Variants in NBPF26 observed in about 807,000 individuals in gnomAD.
NBPF26 encodes the protein NBPF member 26.
Under a neutral mutation model 119.6 loss-of-function variants are expected in NBPF26, and 79 were observed. The observed-to-expected ratio is 0.66, with a 90% CI of 0.55 to 0.80. The LOEUF is 0.80. NBPF26 is among the 30% of genes least tolerant of loss of function. NBPF26 has a pLI of 0.00. For synonymous variants in NBPF26, 299 were observed against 457.7 expected (o/e 0.65, Z 4.43); for missense variants, 800 against 1,198.2 (o/e 0.67, Z 4.91).
chr1:120,793,750 C>G, intron 4 of NBPF26: 1 of 819,098 alleles, frequency 1.2e-6, no homozygotes, highest in Non-Finnish European at 1.9e-6. Flanking sequence ...TTTGTAGAAA[C>G]AGTGAGAAAT....
downstream of NBPF26, chr1:120,840,747 A>T: frequency 8.8e-6 from 10 of 1,135,624 alleles, 1 homozygote; most frequent in South Asian, 1.5e-5. Context: ...TGCCAGTGGC[A>T]ACCTGTGCTC....
intron 2 of NBPF26, among the ~76,000 whole-genome samples, chr1:120,783,804 G>T (rs1651392747): frequency 1.8e-5 from 2 of 113,414 alleles, no homozygotes; most frequent in Non-Finnish European, 1.7e-5. Flanking sequence ...GACTTCACTG[G>T]GTTTTGAGTT....
intron 1 of NBPF26, among the ~76,000 whole-genome samples, chr1:120,756,675 T>A (rs1379522357): frequency 8.5e-6 from 1 of 117,684 alleles, no homozygotes; most frequent in Non-Finnish European, 1.6e-5. Flanking sequence ...ATGTTAGAGA[T>A]TCCTAAAACA....
In NBPF26 at chr1:120,794,291, T is replaced by C. The variant is rs1348441086; in HGVS notation, c.751+795T>C. 3.2e-3 allele frequency among the ~76,000 whole-genome samples: 353 copies of C among 109,788 alleles called. 59 individuals are homozygous for C. In the East Asian group the frequency reaches 0.064, roughly 20 times the overall value. 72.0% of individuals were successfully genotyped at this position (109,788 alleles called of 152,430 possible). Reference sequence around the variant, plus strand: ...CATGGAGAGGGAGAAAGGAACAAGCTTGGCCAATTCATTCAACTCCTTATA... The same window carrying C: ...CATGGAGAGGGAGAAAGGAACAAGCCTGGCCAATTCATTCAACTCCTTATA... On this transcript the variant is annotated intron_variant, in intron 4 of 29. Transcript: ENST00000620612.
At chr1:120,733,446 G>C in intron 1 of NBPF26, among the ~76,000 whole-genome samples, 1 of 106,772 alleles carries the variant, frequency 9.4e-6, no homozygotes, top group East Asian at 2.3e-4. Context: ...GTCACAATAT[G>C]TATGGAAATA....
chr1:120,807,142 A>G (rs1280689865), intron 5 of NBPF26, among the ~76,000 whole-genome samples: 16 of 129,756 alleles, frequency 1.2e-4, no homozygotes, highest in African/African-American at 5.3e-4. Context: ...TGATTTAAAA[A>G]TGAAATATTT....
intron 1 of NBPF26, among the ~76,000 whole-genome samples, chr1:120,756,045 C>T (rs1651076986): frequency 8.9e-6 from 1 of 112,238 alleles, no homozygotes; most frequent in Non-Finnish European, 1.7e-5. Context: ...TTGAAGCTTC[C>T]GCACTTCTTC....
intron 4 of NBPF26, among the ~76,000 whole-genome samples, chr1:120,802,610 C>G (rs1230643625): frequency 8.4e-6 from 1 of 119,638 alleles, no homozygotes; most frequent in East Asian, 2.0e-4. Context: ...TCTTTTTGCA[C>G]AGCAACATGG....
intron 2 of NBPF26, 119 bp from the exon 3 acceptor site, chr1:120,784,855 T>A: frequency 9.5e-7 from 1 of 1,052,338 alleles, no homozygotes; most frequent in Non-Finnish European, 1.3e-6. Flanking sequence ...TAGGTGGTAC[T>A]TGTAGGTCTG....
rs1276077801 is a variant in NBPF26 at position 120,764,371 on chromosome 1, A to G, written c.155+662A>G. Among the ~76,000 whole-genome samples, 4 of 99,212 alleles carry G rather than the reference A, an allele frequency of 4.0e-5. 2 individuals are homozygous for G. The highest frequency in any genetic ancestry group is 2.5e-4 in the African/African-American group (4 of 15,794). The allele number at this position is 99,212 out of a possible 152,430, so 65.1% of individuals were successfully genotyped here. On this transcript the variant is annotated intron_variant, in intron 2 of 29. Coordinates refer to ENST00000620612, the Ensembl canonical transcript of NBPF26. ...TATTATCTTGTTTTTAAGTAAAACC[A>G]AATAGATATCAACTTTAATATTCGG...
intron 2 of NBPF26, among the ~76,000 whole-genome samples, chr1:120,778,449 C>CT (rs1219240717): frequency 2.7e-5 from 3 of 111,536 alleles, no homozygotes; most frequent in Non-Finnish European, 5.0e-5. Context: ...CCACATGAGA[C>CT]TTTTTTTTCC....
intron 18 of NBPF26, among the ~76,000 whole-genome samples, chr1:120,825,292 A>C (rs1287381673): frequency 8.2e-6 from 1 of 121,488 alleles, no homozygotes; most frequent in East Asian, 2.1e-4. Flanking sequence ...CACTGAGCTC[A>C]CTTTCTCCTC....
Position 120,725,227 on chromosome 1 carries a change from CT to C in NBPF26, c.73+980del, listed in dbSNP as rs1192028442. ...TTTAGATTCTACATTTCTTCAGACCCTTTAGTGGAAATAACTTGGGCTTTGG... is the reference window on the plus strand; with the variant it reads ...TTTAGATTCTACATTTCTTCAGACCCTTAGTGGAAATAACTTGGGCTTTGG... On this transcript the variant is annotated intron_variant, in intron 1 of 29. Coordinates refer to ENST00000620612, the Ensembl canonical transcript of NBPF26. 2.7e-3 allele frequency among the ~76,000 whole-genome samples: 277 copies of C among 104,254 alleles called. 63 individuals carry two copies. Among genetic ancestry groups the C allele is most frequent in the Non-Finnish European group, 3.9e-3 (224 of 57,452 alleles). 68.4% of individuals were successfully genotyped at this position (104,254 alleles called of 152,430 possible). A position where few individuals can be genotyped will look rare whatever the true frequency, so the allele number is the denominator to read the frequency against.
Position 120,724,023 on chromosome 1 carries a change from C to G in NBPF26, c.-155C>G. On this transcript the variant is annotated 5_prime_UTR_variant, in exon 1 of 30. Coordinates refer to ENST00000620612, the Ensembl canonical transcript of NBPF26. ...GCGCGGGGAGTCGAGGCATTTGCAC[C>G]TGGGCTTCGGAGCGTAGCGCCAGGG... The G allele has an allele frequency of 2.4e-6, 3 of 1,243,100 alleles. 1 individual carries two copies. The highest frequency in any genetic ancestry group is 1.0e-6 in the Non-Finnish European group (1 of 987,580). The allele number at this position is 1,243,100 out of a possible 1,614,324, so 77.0% of individuals were successfully genotyped here. A position where few individuals can be genotyped will look rare whatever the true frequency, so the allele number is the denominator to read the frequency against.
chr1:120,793,175 T>C, exon 4 of NBPF26: 1 of 1,436,184 alleles, frequency 7.0e-7, no homozygotes, highest in Non-Finnish European at 9.3e-7. Context: ...GGAGTGCCAA[T>C]GGACCGATGC....
chr1:120,804,660 A>G (rs1319363309), intron 4 of NBPF26, among the ~76,000 whole-genome samples: 1 of 120,404 alleles, frequency 8.3e-6, no homozygotes, highest in Non-Finnish European at 1.6e-5. Flanking sequence ...TGACAAGTTT[A>G]AAATGTAGTG....
intron 15 of NBPF26, among the ~76,000 whole-genome samples, chr1:120,819,061 T>C (rs1241591042): frequency 1.6e-5 from 2 of 123,200 alleles, no homozygotes; most frequent in Non-Finnish European, 3.3e-5. Flanking sequence ...ATTGATCTGT[T>C]TAATATTGAC....
intron 2 of NBPF26, among the ~76,000 whole-genome samples, chr1:120,780,003 A>G (rs1325444133): frequency 7.6e-6 from 1 of 131,760 alleles, no homozygotes; most frequent in African/African-American, 3.2e-5. Flanking sequence ...GATGACTATT[A>G]GGTTGATTTG....
rs1293855544 is a variant in NBPF26 at position 120,811,299 on chromosome 1, AC to A, written c.1565-586del. Among the ~76,000 whole-genome samples, 3 of 109,432 alleles carry A rather than the reference AC, an allele frequency of 2.7e-5. 1 individual carries two copies. Among genetic ancestry groups the A allele is most frequent in the Non-Finnish European group, 5.3e-5 (3 of 56,792 alleles). 71.8% of individuals were successfully genotyped at this position (109,432 alleles called of 152,430 possible). A position where few individuals can be genotyped will look rare whatever the true frequency, so the allele number is the denominator to read the frequency against. ...CGCTGGCTCACATCTTAATCCCAAC[AC>A]TTTGGGAGGCCGAGGTGGGCGGAAC... is the stretch of plus-strand genomic sequence containing the variant. On this transcript the variant is annotated intron_variant, in intron 9 of 29. Coordinates refer to ENST00000620612, the Ensembl canonical transcript of NBPF26.
Sources: gnomAD v4.1 joint callset for allele counts (sites outside exome capture counted in the v4.1 genomes callset) on GRCh38, gnomAD v4.1.1 for gene constraint, MANE v1.5 for transcripts, NCBI Gene and HGNC (gene_info 2026-07-23, HGNC 2026-07-21) for gene names.